The following ATXN1 variants were observed in gnomAD, a reference collection of about 807,000 sequenced individuals.
ATXN1 encodes the protein ataxin-1.
A neutral mutation model predicts 56.4 loss-of-function variants in ATXN1; 8 were observed. The observed-to-expected ratio is 0.14, with a 90% confidence interval of 0.08 to 0.26. The LOEUF (loss-of-function observed/expected upper bound fraction) is 0.26. Among genes scored for constraint, ATXN1 ranks in the 10% least tolerant of loss-of-function variants. ATXN1 has a pLI of 1.00. For synonymous variants in ATXN1, 514 were observed against 494.6 expected, an observed-to-expected ratio of 1.04 and a Z score of -0.52; for missense variants, 987 against 1,106.5, an observed-to-expected ratio of 0.89 and a Z score of 1.53.
At chr6:16,357,038 G>C (rs1761701461) in intron 6 of ATXN1, among the ~76,000 whole-genome samples, 1 of 151,964 alleles carries the variant, frequency 6.6e-6, no homozygotes, top group South Asian at 2.1e-4. Flanking sequence ...AGTCTCAAAT[G>C]CTGGTTTCAG....
chr6:16,568,183 T>C (rs1762263819), intron 4 of ATXN1, among the ~76,000 whole-genome samples: 1 of 152,228 alleles, frequency 6.6e-6, no homozygotes, highest in Admixed American at 6.5e-5. Context: ...ATGAATCCTA[T>C]TAAAGATACA....
At chr6:16,325,171 G>A (rs1190350037) in intron 7 of ATXN1, among the ~76,000 whole-genome samples, 1 of 151,326 alleles carries the variant, frequency 6.6e-6, no homozygotes, top group East Asian at 1.9e-4. Flanking sequence ...AGGCTGGAGT[G>A]CAGTGGCCTG....
At chr6:16,541,514 A>T (rs565041934) in intron 4 of ATXN1, among the ~76,000 whole-genome samples, 13 of 152,284 alleles carry the variant, frequency 8.5e-5, no homozygotes, top group African/African-American at 2.9e-4. Flanking sequence ...TTTCATCACC[A>T]GCCAGGGCAG....
At chr6:16,673,523 G>A (rs1284401612) in intron 2 of ATXN1, among the ~76,000 whole-genome samples, 1 of 152,180 alleles carries the variant, frequency 6.6e-6, no homozygotes, top group Non-Finnish European at 1.5e-5. Flanking sequence ...GAAGGAAAGG[G>A]TCTAAGGCAG....
chr6:16,331,728 AG>A (rs1230170310), intron 6 of ATXN1, among the ~76,000 whole-genome samples: 3 of 152,250 alleles, frequency 2.0e-5, no homozygotes, highest in Non-Finnish European at 4.4e-5. Flanking sequence ...ACATTCAGGA[AG>A]GGTCTATTAG....
chr6:16,327,280 A>G lies in ATXN1; in HGVS notation c.1031T>C (p.Leu344Pro), dbSNP rs1235807508. Reference protein sequence around the residue: ...YGAPSSADLGLGKAGGKSVPH... With the variant: ...YGAPSSADLGPGKAGGKSVPH... ...AACCGACTTGCCGCCTGCCTTGCCC[A>G]GGCCCAGGTCGGCTGAGGACGGGGC... The change falls in exon 7 of 8, where the codon CTG becomes CCG. Residue 344 changes from leucine (L) to proline (P), a missense_variant. Leu to Pro is a moderately conservative substitution (Grantham distance 98, BLOSUM62 -3). Around this residue, in one of 3 missense-constraint regions of ATXN1, gnomAD observed 723 missense variants for 791.7 expected, o/e 0.91. Transcript: ENST00000436367. 6.2e-7 allele frequency: 1 copy of G among 1,613,298 alleles called. No homozygotes were observed. The highest frequency in any genetic ancestry group is 8.5e-7 in the Non-Finnish European group (1 of 1,179,816).
chr6:16,634,211 T>C (rs900484959), intron 3 of ATXN1, among the ~76,000 whole-genome samples: 2 of 152,202 alleles, frequency 1.3e-5, no homozygotes, highest in African/African-American at 4.8e-5. Context: ...CCCCATCTAG[T>C]TCTGGCATCC....
intron 6 of ATXN1, among the ~76,000 whole-genome samples, chr6:16,438,117 T>C (rs1285949321): frequency 6.6e-6 from 1 of 152,324 alleles, no homozygotes; most frequent in South Asian, 2.1e-4. Flanking sequence ...CACTTTCCTA[T>C]GAGAAAGAAT....
At chr6:16,583,083 T>C (rs1327505966) in intron 4 of ATXN1, among the ~76,000 whole-genome samples, 1 of 152,262 alleles carries the variant, frequency 6.6e-6, no homozygotes, top group Non-Finnish European at 1.5e-5. Flanking sequence ...CCAAGTTTTG[T>C]TTTCTTATTC....
At chr6:16,507,019 C>T (rs1374777457) in intron 5 of ATXN1, among the ~76,000 whole-genome samples, 1 of 152,158 alleles carries the variant, frequency 6.6e-6, no homozygotes, top group Non-Finnish European at 1.5e-5. Context: ...ATTAAGGCTG[C>T]TTTTTTAGAA....
intron 3 of ATXN1, among the ~76,000 whole-genome samples, chr6:16,610,587 A>G (rs1368733325): frequency 6.6e-6 from 1 of 152,136 alleles, no homozygotes; most frequent in East Asian, 1.9e-4. Context: ...GAGTTAAAAA[A>G]TAAAAAAGGC....
intron 4 of ATXN1, among the ~76,000 whole-genome samples, chr6:16,570,119 T>G (rs962666592): frequency 5.9e-5 from 9 of 152,240 alleles, no homozygotes; most frequent in African/African-American, 2.2e-4. Flanking sequence ...CCATCATCTC[T>G]TTGTTGCATC....
intron 6 of ATXN1, among the ~76,000 whole-genome samples, chr6:16,447,816 G>GC (rs1759665593): frequency 6.6e-6 from 1 of 152,110 alleles, no homozygotes; most frequent in Admixed American, 6.5e-5. Context: ...TTATTTAAAA[G>GC]CCCCAAAGAT....
intron 4 of ATXN1, among the ~76,000 whole-genome samples, chr6:16,583,906 A>ATAC (rs1365610504): frequency 6.6e-6 from 1 of 152,196 alleles, no homozygotes; most frequent in African/African-American, 2.4e-5. Flanking sequence ...GATTAGGATT[A>ATAC]TACTATGGTT....
intron 6 of ATXN1, among the ~76,000 whole-genome samples, chr6:16,402,630 C>T (rs1561882640): frequency 6.6e-6 from 1 of 152,190 alleles, no homozygotes; most frequent in African/African-American, 2.4e-5. Context: ...ATGATGAAAG[C>T]TGTTCCTCCT....
chr6:16,509,473 C>T (rs1761038951), intron 5 of ATXN1, among the ~76,000 whole-genome samples: 1 of 152,178 alleles, frequency 6.6e-6, no homozygotes, highest in South Asian at 2.1e-4. Flanking sequence ...CATTCAAAAG[C>T]ATTCGATAGC....
chr6:16,440,881 G>A (rs1235171008), intron 6 of ATXN1, among the ~76,000 whole-genome samples: 2 of 152,152 alleles, frequency 1.3e-5, no homozygotes, highest in South Asian at 2.1e-4. Flanking sequence ...CCTGAAGACA[G>A]GAATGGGTGT....
intron 6 of ATXN1, among the ~76,000 whole-genome samples, chr6:16,441,104 G>T (rs979520118): frequency 6.6e-6 from 1 of 152,146 alleles, no homozygotes; most frequent in South Asian, 2.1e-4. Flanking sequence ...TGGGGTGAGG[G>T]CAAGGAACCC....
intron 2 of ATXN1, among the ~76,000 whole-genome samples, chr6:16,697,660 G>A (rs545331962): frequency 1.3e-4 from 17 of 129,558 alleles, no homozygotes; most frequent in African/African-American, 4.9e-4. Flanking sequence ...ATCCCCAAAT[G>A]TTTTTAATTG....
Sources: allele counts gnomAD v4.1 joint callset (sites outside exome capture counted in the v4.1 genomes callset), GRCh38; gene constraint gnomAD v4.1.1; regional missense constraint gnomAD v4.1.1; transcripts MANE v1.5; gene names NCBI Gene and HGNC (gene_info 2026-07-23, HGNC 2026-07-21).